The following SPRED2 variants were observed in gnomAD, a reference collection of about 807,000 sequenced individuals.
SPRED2 encodes sprouty related EVH1 domain containing 2.
In SPRED2, 47 loss-of-function variants were observed where a neutral mutation model predicts 43.0. The observed-to-expected ratio is 1.09, with a 90% CI of 0.87 to 1.40. SPRED2 has a LOEUF of 1.40. Ranked by LOEUF, SPRED2 falls within the 40% of genes most tolerant of loss-of-function variation. The probability of loss-of-function intolerance (pLI) is 0.00; values close to 1 mark genes in which losing one functional copy is unlikely to be tolerated. For synonymous variants in SPRED2, 225 were observed against 225.7 expected (o/e 1.00, Z 0.03); for missense variants, 561 against 586.4 (o/e 0.96, Z 0.45).
intron 1 of SPRED2, among the ~76,000 whole-genome samples, chr2:65,428,880 T>A (rs920772796): frequency 3.3e-5 from 5 of 152,200 alleles, no homozygotes; most frequent in Non-Finnish European, 5.9e-5. Context: ...TTTAAAAAAA[T>A]TTTCCAACCC....
chr2:65,362,193 C>T (rs1300641504), intron 1 of SPRED2, among the ~76,000 whole-genome samples: 1 of 152,196 alleles, frequency 6.6e-6, no homozygotes, highest in Non-Finnish European at 1.5e-5. Flanking sequence ...TCATCCCAAG[C>T]CAAAAGCTCT....
chr2:65,390,054 A>T (rs371783011), intron 1 of SPRED2, among the ~76,000 whole-genome samples: 2 of 152,314 alleles, frequency 1.3e-5, no homozygotes, highest in East Asian at 3.9e-4. Context: ...CTATGTTTGG[A>T]TTCTTCCTGC....
chr2:65,353,150 A>G (rs1674557100), intron 1 of SPRED2, among the ~76,000 whole-genome samples: 1 of 152,170 alleles, frequency 6.6e-6, no homozygotes, highest in Non-Finnish European at 1.5e-5. Context: ...CAGGAGCCTC[A>G]GAGGGGGTAT....
At chr2:65,429,149 A>AT (rs1341570410) in intron 1 of SPRED2, among the ~76,000 whole-genome samples, 1 of 152,170 alleles carries the variant, frequency 6.6e-6, no homozygotes, top group Non-Finnish European at 1.5e-5. Context: ...ACAAAACATT[A>AT]TTTTTTTAAA....
Position 65,313,020 on chromosome 2 carries a change from C to T in SPRED2, c.*481G>A, listed in dbSNP as rs867527289. 8 of 986,338 alleles carry T rather than the reference C, an allele frequency of 8.1e-6. No individual in the cohort carries two copies. In the Middle Eastern group the frequency reaches 1.5e-3, roughly 191 times the overall value. The allele number at this position is 986,338 out of a possible 1,614,324, so 61.1% of individuals were successfully genotyped here. A position where few individuals can be genotyped will look rare whatever the true frequency, so the allele number is the denominator to read the frequency against. ...GTCGGGTTTCATCATTCTCACATCC[C>T]ATTTCCGCTGAACCAGATGCTTGCT... On this transcript the variant is annotated 3_prime_UTR_variant, in exon 6 of 6. Coordinates refer to ENST00000356388, the MANE Select transcript of SPRED2 (RefSeq NM_181784.3).
chr2:65,312,036 C>A lies in SPRED2; in HGVS notation c.*1465G>T. The stretch of plus-strand genomic sequence containing the variant: ...GCAAGCCTGTCCCCGGTGGTCTCCA[C>A]GAGGTTCTGATTGTACTATGCTAGG... On this transcript the variant is annotated 3_prime_UTR_variant, in exon 6 of 6. Transcript: ENST00000356388. 1.0e-6 allele frequency: 1 copy of A among 985,392 alleles called. No individual in the cohort carries two copies. Among genetic ancestry groups the A allele is most frequent in the Non-Finnish European group, 1.2e-6 (1 of 829,916 alleles). 61.0% of individuals were successfully genotyped at this position (985,392 alleles called of 1,614,324 possible). A position where few individuals can be genotyped will look rare whatever the true frequency, so the allele number is the denominator to read the frequency against.
chr2:65,390,849 G>T (rs901543498), intron 1 of SPRED2, among the ~76,000 whole-genome samples: 2 of 152,122 alleles, frequency 1.3e-5, no homozygotes, highest in African/African-American at 4.8e-5. Context: ...ACTTTGGGAG[G>T]CCAAGGTAGT....
rs184256248 is a variant in SPRED2, at chr2:65,350,635, C to T, written c.27-5739G>A. On this transcript the variant is annotated intron_variant, in intron 1 of 5. Transcript: ENST00000356388. ...TTTGTAAAAACAGGGCTTCCTGTCCCGGGATCACGCAATATGCAAAAGAGG... is the reference window on the plus strand; with the variant it reads ...TTTGTAAAAACAGGGCTTCCTGTCCTGGGATCACGCAATATGCAAAAGAGG... Among the ~76,000 whole-genome samples, 49 of 152,264 alleles carry T rather than the reference C, an allele frequency of 3.2e-4. 1 individual carries two copies. The East Asian group carries it at 8.7e-3, about 27-fold the overall frequency.
chr2:65,399,993 AC>A (rs1675846519), intron 1 of SPRED2, among the ~76,000 whole-genome samples: 1 of 149,920 alleles, frequency 6.7e-6, no homozygotes, highest in Non-Finnish European at 1.5e-5. Context: ...AAACAAAAAA[AC>A]AAAAACCCCC....
At chr2:65,407,131 G>T (rs866562480) in intron 1 of SPRED2, among the ~76,000 whole-genome samples, 1 of 151,732 alleles carries the variant, frequency 6.6e-6, no homozygotes, top group African/African-American at 2.4e-5. Context: ...GTTTCACCAT[G>T]TTAGCCAGGA....
intron 1 of SPRED2, among the ~76,000 whole-genome samples, chr2:65,381,225 C>A (rs911008397): frequency 5.3e-5 from 8 of 152,216 alleles, no homozygotes; most frequent in Non-Finnish European, 7.3e-5. Flanking sequence ...GTTTGGCAAC[C>A]CAGAATTTAA....
At position 65,313,582 on chromosome 2, in the gene SPRED2, G is replaced by A; in HGVS notation, c.1176C>T (p.Cys392=). The A allele has an allele frequency of 1.9e-6, 3 of 1,614,214 alleles. No individual in the cohort carries two copies. Among genetic ancestry groups the A allele is most frequent in the Non-Finnish European group, 2.5e-6 (3 of 1,180,034 alleles). The change falls in exon 6 of 6, where the codon TGC becomes TGT. Residue 392 remains cysteine (C), a synonymous_variant. Coordinates refer to ENST00000356388, the MANE Select transcript of SPRED2 (RefSeq NM_181784.3). ...IALSFLAPCM[C]CYLPLRACYH... Reference sequence around the variant, plus strand: ...AGCAGGCCCGAAGGGGCAGGTAACAGCACATACAGGGGGCCAGGAAAGACA... The same window carrying A: ...AGCAGGCCCGAAGGGGCAGGTAACAACACATACAGGGGGCCAGGAAAGACA...
chr2:65,362,869 AG>A (rs199622754), intron 1 of SPRED2, among the ~76,000 whole-genome samples: 41 of 141,768 alleles, frequency 2.9e-4, no homozygotes, highest in Middle Eastern at 3.9e-3. Context: ...AAAAAAAAAA[AG>A]AAAAGAAAAG....
At chr2:65,413,690 G>C (rs1171353207) in intron 1 of SPRED2, among the ~76,000 whole-genome samples, 1 of 152,178 alleles carries the variant, frequency 6.6e-6, no homozygotes, top group African/African-American at 2.4e-5. Context: ...TGGTAAGACA[G>C]GGCATCCTTC....
chr2:65,427,873 G>A (rs1676591620), intron 1 of SPRED2, among the ~76,000 whole-genome samples: 1 of 152,198 alleles, frequency 6.6e-6, no homozygotes, highest in South Asian at 2.1e-4. Context: ...GGCTACTGGA[G>A]TGCTCCATTC....
chr2:65,398,468 T>C (rs1376701785), intron 1 of SPRED2, among the ~76,000 whole-genome samples: 1 of 152,032 alleles, frequency 6.6e-6, no homozygotes, highest in East Asian at 1.9e-4. Flanking sequence ...GAGAAAATCT[T>C]CACAATCTAT....
At chr2:65,429,859 T>C (rs1431168806) in intron 1 of SPRED2, among the ~76,000 whole-genome samples, 1 of 152,226 alleles carries the variant, frequency 6.6e-6, no homozygotes, top group Non-Finnish European at 1.5e-5. Flanking sequence ...AGGCTACGGC[T>C]TCATGCTGAA....
intron 1 of SPRED2, among the ~76,000 whole-genome samples, chr2:65,403,578 T>G (rs1044469599): frequency 3.9e-5 from 6 of 152,172 alleles, no homozygotes; most frequent in African/African-American, 1.2e-4. Context: ...GGATAGACAT[T>G]TTTACGACAC....
chr2:65,341,535 T>G (rs1001103745), intron 2 of SPRED2, among the ~76,000 whole-genome samples: 3 of 152,060 alleles, frequency 2.0e-5, no homozygotes, highest in African/African-American at 7.2e-5. Context: ...AGAAATGAGC[T>G]CAAACGCAGG....
Sources: gnomAD v4.1 joint callset for allele counts (sites outside exome capture counted in the v4.1 genomes callset) on GRCh38, gnomAD v4.1.1 for gene constraint, MANE v1.5 for transcripts, NCBI Gene and HGNC (gene_info 2026-07-23, HGNC 2026-07-21) for gene names.